Variants in DTL observed in about 807,000 individuals in gnomAD.
DTL encodes denticleless E3 ubiquitin protein ligase adapter.
Under a neutral mutation model 87.0 loss-of-function variants are expected in DTL, and 46 were observed. The ratio of observed to expected loss-of-function variants is 0.53; its 90% CI spans 0.42 to 0.68. DTL has a LOEUF of 0.68. Ranked by LOEUF, DTL falls within the 30% of genes least tolerant of loss-of-function variation. The pLI, the probability that DTL is intolerant of heterozygous loss-of-function variation, is 0.00. For synonymous variants in DTL, 308 were observed against 311.2 expected, an observed-to-expected ratio of 0.99 and a Z score of 0.11; for missense variants, 737 against 869.4, an observed-to-expected ratio of 0.85 and a Z score of 1.91.
rs766498385 is a variant in DTL, at chr1:212,100,685, A to G, written c.1695A>G (p.Gln565=). 1 of 1,614,110 alleles carries G rather than the reference A, an allele frequency of 6.2e-7. No individual in the cohort carries two copies. The highest frequency in any genetic ancestry group is 8.5e-7 in the Non-Finnish European group (1 of 1,180,016). The part of the protein sequence containing the change: ...LDSSCLESVK[Q]KCVKSCNCVT... ...CAAGCTGTCTGGAGAGTGTGAAACA[A>G]AAGTGTGTGAAGAGTTGTAACTGTG... The change falls in exon 14 of 15, where the codon CAA becomes CAG. Residue 565 remains glutamine (Q), a synonymous_variant. Coordinates refer to ENST00000366991, the MANE Select transcript of DTL (RefSeq NM_016448.4).
At chr1:212,070,398 C>T (rs967977551) in intron 10 of DTL, among the ~76,000 whole-genome samples, 2 of 152,110 alleles carry the variant, frequency 1.3e-5, no homozygotes, top group Admixed American at 1.3e-4. Context: ...CACTTGAGCC[C>T]AGGAGTTCGA....
At chr1:212,090,313 A>G (rs1655247177) in intron 13 of DTL, among the ~76,000 whole-genome samples, 1 of 152,230 alleles carries the variant, frequency 6.6e-6, no homozygotes, top group Non-Finnish European at 1.5e-5. Context: ...AAAAAAGGAC[A>G]GGATAATTAA....
chr1:212,035,996 AAC>A (rs745865952), intron 1 of DTL, 54 bp downstream of exon 1: 22 of 1,570,632 alleles, frequency 1.4e-5, no homozygotes, highest in Non-Finnish European at 1.8e-5. Context: ...TTTCCCCCGA[AAC>A]ACACGCCACC....
rs141903846 is a variant in DTL at position 212,036,161 on chromosome 1, G to A, written c.52+219G>A. ...ATCGGGCTTTTAAAATCGTAACGTAGGCAGGGACGTCGAAATAACTGCCTT... is the reference window on the plus strand; with the variant it reads ...ATCGGGCTTTTAAAATCGTAACGTAAGCAGGGACGTCGAAATAACTGCCTT... On this transcript the variant is annotated intron_variant, in intron 1 of 14. Transcript: ENST00000366991. 2.2e-4 allele frequency among the ~76,000 whole-genome samples: 33 copies of A among 152,302 alleles called. 1 individual carries two copies. In the East Asian group the frequency reaches 6.2e-3, roughly 28 times the overall value.
chr1:212,040,376 C>T (rs998665766), intron 1 of DTL, among the ~76,000 whole-genome samples: 8 of 152,192 alleles, frequency 5.3e-5, no homozygotes, highest in Non-Finnish European at 1.2e-4. Flanking sequence ...AGGATATGTT[C>T]CAAGACCCAA....
Position 212,100,884 on chromosome 1 carries a change from A to C in DTL, c.1894A>C (p.Ser632Arg). Residue 632 changes from serine (S) to arginine (R), a missense_variant, in exon 14 of 15, where the codon AGC becomes CGC. Transcript: ENST00000366991. The part of the protein sequence containing the change: ...PSPISPYASE[S>R]CGTLPLPLRP... ...TCCTATCAGTCCGTATGCTTCAGAAAGCTGTGGAACGCTACCTCTTCCTTT... is the reference window on the plus strand; with the variant it reads ...TCCTATCAGTCCGTATGCTTCAGAACGCTGTGGAACGCTACCTCTTCCTTT... 6.2e-7 allele frequency: 1 copy of C among 1,614,190 alleles called. No individual in the cohort carries two copies. The highest frequency in any genetic ancestry group is 8.5e-7 in the Non-Finnish European group (1 of 1,180,026).
chr1:212,057,250 A>G (rs1178170357), intron 5 of DTL, among the ~76,000 whole-genome samples: 1 of 152,060 alleles, frequency 6.6e-6, no homozygotes, highest in Non-Finnish European at 1.5e-5. Flanking sequence ...AAGCAGAGAA[A>G]AAACATCTAG....
At chr1:212,054,549 T>C (rs565659894) in intron 5 of DTL, among the ~76,000 whole-genome samples, 1 of 151,914 alleles carries the variant, frequency 6.6e-6, no homozygotes, top group African/African-American at 2.4e-5. Flanking sequence ...ATCCCAGCAC[T>C]TTGCAAGGCT....
chr1:212,095,062 C>T (rs1655405137), intron 13 of DTL, among the ~76,000 whole-genome samples: 3 of 152,094 alleles, frequency 2.0e-5, no homozygotes, highest in Non-Finnish European at 4.4e-5. Context: ...TTCCTCTTTA[C>T]CAATTTGGAT....
intron 5 of DTL, among the ~76,000 whole-genome samples, chr1:212,048,811 TA>T (rs528410747): frequency 3.2e-3 from 449 of 141,912 alleles, no homozygotes; most frequent in Non-Finnish European, 2.8e-3. Flanking sequence ...CCTTTATCAC[TA>T]AAAAAAAAAA....
chr1:212,087,303 A>G (rs1655157665), intron 13 of DTL, among the ~76,000 whole-genome samples: 1 of 152,126 alleles, frequency 6.6e-6, no homozygotes, highest in Non-Finnish European at 1.5e-5. Flanking sequence ...TAATCCCAGC[A>G]CTTTGGGAGG....
intron 12 of DTL, among the ~76,000 whole-genome samples, chr1:212,079,348 A>G (rs972422581): frequency 1.2e-4 from 18 of 152,156 alleles, no homozygotes; most frequent in South Asian, 6.2e-4. Context: ...CCTTACCCCT[A>G]TGCATCTCAA....
At chr1:212,058,063 CAG>C (rs1383037807) in intron 5 of DTL, among the ~76,000 whole-genome samples, 4 of 152,112 alleles carry the variant, frequency 2.6e-5, no homozygotes, top group Non-Finnish European at 4.4e-5. Flanking sequence ...CTGGAGCACA[CAG>C]ATATATAAAG....
At chr1:212,054,147 C>T (rs1454223034) in intron 5 of DTL, among the ~76,000 whole-genome samples, 2 of 152,124 alleles carry the variant, frequency 1.3e-5, no homozygotes, top group African/African-American at 4.8e-5. Flanking sequence ...CAGCTGCAAA[C>T]TGCTTTCAGT....
chr1:212,089,939 C>T (rs755037081), intron 13 of DTL, among the ~76,000 whole-genome samples: 1 of 152,146 alleles, frequency 6.6e-6, no homozygotes, highest in African/African-American at 2.4e-5. Context: ...CCTAAATGTA[C>T]ACTTTGACCC....
chr1:212,096,283 A>G (rs1480076302), intron 13 of DTL, among the ~76,000 whole-genome samples: 1 of 152,014 alleles, frequency 6.6e-6, no homozygotes, highest in Non-Finnish European at 1.5e-5. Context: ...AATCTCACTA[A>G]TGGGCTATCA....
chr1:212,079,548 C>G (rs1654932568), intron 12 of DTL, among the ~76,000 whole-genome samples: 1 of 152,092 alleles, frequency 6.6e-6, no homozygotes, highest in South Asian at 2.1e-4. Context: ...TAGGAGAAAG[C>G]TGGGTTTAAA....
At chr1:212,089,836 C>G (rs1387103747) in intron 13 of DTL, among the ~76,000 whole-genome samples, 1 of 152,132 alleles carries the variant, frequency 6.6e-6, no homozygotes, top group African/African-American at 2.4e-5. Flanking sequence ...ACCTAGATAC[C>G]TGGTTTGTCC....
In DTL at chr1:212,101,099, G is replaced by A. The variant is rs1454390318; in HGVS notation, c.2094+15G>A. The A allele has an allele frequency of 6.4e-7, 1 of 1,560,928 alleles. No homozygotes were observed. Among genetic ancestry groups the A allele is most frequent in the Non-Finnish European group, 8.7e-7 (1 of 1,152,768 alleles). On this transcript the variant is annotated intron_variant, in intron 14 of 14. Transcript: ENST00000366991. ...TGCCAAGCCCGGTAAGTCAGCAGTGGTGGGAAGATACATTTCCTAACTTAA... is the reference window on the plus strand; with the variant it reads ...TGCCAAGCCCGGTAAGTCAGCAGTGATGGGAAGATACATTTCCTAACTTAA...
Sources: allele counts gnomAD v4.1 joint callset (sites outside exome capture counted in the v4.1 genomes callset), GRCh38; gene constraint gnomAD v4.1.1; transcripts MANE v1.5; gene names NCBI Gene and HGNC (gene_info 2026-07-23, HGNC 2026-07-21).